The following CDKAL1 variants were observed in gnomAD, a reference collection of about 807,000 sequenced individuals.
CDKAL1 encodes the protein CDKAL1 threonylcarbamoyladenosine tRNA methylthiotransferase, also known as threonylcarbamoyladenosine tRNA methylthiotransferase.
A neutral mutation model predicts 68.2 loss-of-function variants in CDKAL1; 32 were observed. That is an observed-to-expected ratio of 0.47 (90% CI 0.35 to 0.63). CDKAL1 has a LOEUF of 0.63. Among genes scored for constraint, CDKAL1 ranks in the 30% least tolerant of loss-of-function variants. CDKAL1 has a pLI of 0.00. For missense variants in CDKAL1, 606 were observed against 696.7 expected (o/e 0.87, Z 1.47); for synonymous variants, 234 against 244.3 (o/e 0.96, Z 0.39).
intron 9 of CDKAL1, among the ~76,000 whole-genome samples, chr6:20,901,829 TAC>T (rs1168437668): frequency 2.0e-5 from 3 of 151,906 alleles, no homozygotes; most frequent in Admixed American, 1.3e-4. Context: ...CAGGCTGGAG[TAC>T]CATGGCGCAA....
chr6:20,604,204 A>G (rs1036082737), intron 4 of CDKAL1, among the ~76,000 whole-genome samples: 29 of 152,190 alleles, frequency 1.9e-4, no homozygotes, highest in African/African-American at 7.0e-4. Flanking sequence ...GGGCTTGCTC[A>G]GTGGACCCAT....
intron 8 of CDKAL1, chr6:20,800,621 T>G (rs1353969640): frequency 1.3e-5 from 2 of 152,328 alleles, no homozygotes; most frequent in Admixed American, 1.3e-4. Flanking sequence ...TTTGACATCC[T>G]TCTTTTTTGA....
intron 13 of CDKAL1, among the ~76,000 whole-genome samples, chr6:21,108,863 T>A (rs1773983055): frequency 6.6e-6 from 1 of 152,212 alleles, no homozygotes; most frequent in South Asian, 2.1e-4. Context: ...AAGTTATTTT[T>A]CTAAATGAAA....
intron 15 of CDKAL1, among the ~76,000 whole-genome samples, chr6:21,210,095 A>G (rs148261724): frequency 6.6e-6 from 1 of 152,146 alleles, no homozygotes; most frequent in Non-Finnish European, 1.5e-5. Flanking sequence ...CACTCCTCAA[A>G]GTATTCTAGT....
chr6:21,150,543 C>T (rs1399449300), intron 13 of CDKAL1, among the ~76,000 whole-genome samples: 1 of 152,194 alleles, frequency 6.6e-6, no homozygotes, highest in African/African-American at 2.4e-5. Context: ...TAGCCAAAGC[C>T]TCCATAAAAC....
At chr6:20,930,557 C>T (rs1763393965) in intron 9 of CDKAL1, among the ~76,000 whole-genome samples, 1 of 152,152 alleles carries the variant, frequency 6.6e-6, no homozygotes, top group Non-Finnish European at 1.5e-5. Flanking sequence ...GCCGCTGGTC[C>T]AGTAAACAAA....
chr6:20,665,652 G>A (rs543431332), intron 5 of CDKAL1, among the ~76,000 whole-genome samples: 62 of 146,438 alleles, frequency 4.2e-4, no homozygotes, highest in Non-Finnish European at 7.3e-4. Flanking sequence ...CTCACTTAAT[G>A]TCAATGATAA....
intron 5 of CDKAL1, among the ~76,000 whole-genome samples, chr6:20,688,126 C>T (rs1191142225): frequency 1.3e-5 from 2 of 151,834 alleles, no homozygotes; most frequent in East Asian, 3.9e-4. Context: ...GTTATTCCCC[C>T]CTCACCCCCC....
intron 5 of CDKAL1, among the ~76,000 whole-genome samples, chr6:20,711,495 G>A (rs561618352): frequency 1.7e-4 from 26 of 152,174 alleles, no homozygotes; most frequent in Non-Finnish European, 1.8e-4. Context: ...ATGGCGGAAT[G>A]ATAATATGGA....
chr6:21,137,934 G>A (rs1367212896), intron 13 of CDKAL1, among the ~76,000 whole-genome samples: 4 of 152,112 alleles, frequency 2.6e-5, no homozygotes, highest in East Asian at 1.9e-4. Flanking sequence ...TGTAGCATAC[G>A]CATATGCCTT....
intron 8 of CDKAL1, among the ~76,000 whole-genome samples, chr6:20,784,384 T>C (rs142265923): frequency 6.7e-6 from 1 of 150,034 alleles, no homozygotes; most frequent in Admixed American, 6.7e-5. Context: ...TATTTTTAAG[T>C]GTTTTTTTTC....
intron 4 of CDKAL1, among the ~76,000 whole-genome samples, chr6:20,578,664 T>C (rs534213256): frequency 6.6e-6 from 1 of 152,336 alleles, no homozygotes; most frequent in Admixed American, 6.5e-5. Flanking sequence ...CGCTCAGTGC[T>C]TTACACACAT....
chr6:20,936,283 C>T (rs1763705476), intron 9 of CDKAL1, among the ~76,000 whole-genome samples: 2 of 117,640 alleles, frequency 1.7e-5, no homozygotes, highest in South Asian at 2.9e-4. Context: ...CGGAGTCTCG[C>T]TCTGTCGCCC....
At chr6:21,164,056 T>C (rs1258679278) in intron 13 of CDKAL1, among the ~76,000 whole-genome samples, 1 of 152,000 alleles carries the variant, frequency 6.6e-6, no homozygotes, top group Non-Finnish European at 1.5e-5. Context: ...GAATGACCTA[T>C]TCCACTGCTC....
chr6:20,919,021 T>A (rs1171147641), intron 9 of CDKAL1, among the ~76,000 whole-genome samples: 1 of 152,216 alleles, frequency 6.6e-6, no homozygotes, highest in Non-Finnish European at 1.5e-5. Flanking sequence ...TGCTTAATGA[T>A]GGAAGTGGTT....
chr6:21,055,554 G>A (rs778250882), intron 11 of CDKAL1, among the ~76,000 whole-genome samples: 11 of 151,990 alleles, frequency 7.2e-5, no homozygotes, highest in Non-Finnish European at 1.6e-4. Flanking sequence ...GCTCCAGTGT[G>A]TGTTCCCCTC....
At chr6:20,764,216 G>C (rs1774595080) in intron 7 of CDKAL1, among the ~76,000 whole-genome samples, 1 of 152,110 alleles carries the variant, frequency 6.6e-6, no homozygotes, top group South Asian at 2.1e-4. Context: ...CTTATGACAA[G>C]TTATTGCAAA....
chr6:20,924,211 A>G (rs954374787), intron 9 of CDKAL1, among the ~76,000 whole-genome samples: 1 of 150,160 alleles, frequency 6.7e-6, no homozygotes, highest in Non-Finnish European at 1.5e-5. Context: ...AGTGGTCTAG[A>G]TAGAGTTAGC....
At chr6:21,046,558 G>T (rs1031401508) in intron 11 of CDKAL1, among the ~76,000 whole-genome samples, 1 of 152,238 alleles carries the variant, frequency 6.6e-6, no homozygotes, top group South Asian at 2.1e-4. Context: ...TGAAGCAGCC[G>T]CAGCTGACAG....
Sources: gnomAD v4.1 joint callset for allele counts (sites outside exome capture counted in the v4.1 genomes callset) on GRCh38, gnomAD v4.1.1 for gene constraint, MANE v1.5 for transcripts, NCBI Gene and HGNC (gene_info 2026-07-23, HGNC 2026-07-21) for gene names.